The following LSAMP variants were observed in gnomAD, a reference collection of about 807,000 sequenced individuals.
LSAMP encodes the protein limbic system associated membrane protein.
Under a neutral mutation model 38.6 loss-of-function variants are expected in LSAMP, and 7 were observed. The ratio of observed to expected loss-of-function variants is 0.18; its 90% confidence interval spans 0.10 to 0.34. LSAMP has a LOEUF of 0.34. Among genes scored for constraint, LSAMP ranks in the 10% least tolerant of loss-of-function variants. The probability of loss-of-function intolerance (pLI) is 1.00; values close to 1 mark genes in which losing one functional copy is unlikely to be tolerated. For synonymous variants in LSAMP, 154 were observed against 166.8 expected, an observed-to-expected ratio of 0.92 and a Z score of 0.59; for missense variants, 313 against 420.0, an observed-to-expected ratio of 0.75 and a Z score of 2.23.
intron 1 of LSAMP, among the ~76,000 whole-genome samples, chr3:116,334,456 C>T (rs2047893279): frequency 6.6e-6 from 1 of 151,962 alleles, no homozygotes; most frequent in African/African-American, 2.4e-5. Flanking sequence ...AACAAAAGAC[C>T]AACATCCCTT....
intron 1 of LSAMP, among the ~76,000 whole-genome samples, chr3:116,103,482 AAAAAAAG>A (rs1559743506): frequency 1.3e-5 from 2 of 150,258 alleles, no homozygotes; most frequent in African/African-American, 4.9e-5. Context: ...AAAAAAAAAA[AAAAAAAG>A]AAAGACAGTG....
intron 1 of LSAMP, among the ~76,000 whole-genome samples, chr3:116,307,957 T>C (rs1290070219): frequency 2.6e-5 from 4 of 151,942 alleles, no homozygotes; most frequent in Middle Eastern, 3.2e-3. Flanking sequence ...ATTTATAAAA[T>C]GCACATGATA....
At chr3:116,317,703 G>A (rs2047651583) in intron 1 of LSAMP, among the ~76,000 whole-genome samples, 2 of 152,004 alleles carry the variant, frequency 1.3e-5, no homozygotes, top group African/African-American at 4.8e-5. Flanking sequence ...GGAAACTGGG[G>A]GCAGTAGTTA....
At chr3:115,985,281 G>A (rs887318272) in intron 3 of LSAMP, among the ~76,000 whole-genome samples, 1 of 152,098 alleles carries the variant, frequency 6.6e-6, no homozygotes, top group Non-Finnish European at 1.5e-5. Context: ...TGGAATATTG[G>A]CTTAGTGGTT....
chr3:116,281,335 G>T lies in LSAMP; in HGVS notation c.155+163542C>A, dbSNP rs114930804. On this transcript the variant is annotated intron_variant, in intron 1 of 6. Coordinates refer to ENST00000490035, the MANE Select transcript of LSAMP (RefSeq NM_002338.5). ...GCTGACATCTTGCTGTTTTCAAAGAGAAGTGCTTATTAGAAAAATTGGTGA... is the reference window on the plus strand; with the variant it reads ...GCTGACATCTTGCTGTTTTCAAAGATAAGTGCTTATTAGAAAAATTGGTGA... Among the ~76,000 whole-genome samples, 408 of 152,304 alleles carry T rather than the reference G, an allele frequency of 2.7e-3. 3 individuals are homozygous for T. Among genetic ancestry groups the T allele is most frequent in the African/African-American group, 9.5e-3 (395 of 41,556 alleles).
At chr3:116,318,509 C>T (rs2047664030) in intron 1 of LSAMP, among the ~76,000 whole-genome samples, 2 of 152,248 alleles carry the variant, frequency 1.3e-5, no homozygotes, top group East Asian at 3.9e-4. Context: ...CAACTGTCAG[C>T]CTGACCTTTA....
chr3:116,371,051 T>C (rs1165765339), intron 1 of LSAMP, among the ~76,000 whole-genome samples: 1 of 152,104 alleles, frequency 6.6e-6, no homozygotes, highest in Non-Finnish European at 1.5e-5. Flanking sequence ...AGTAAAGAGA[T>C]TGGATCATAA....
intron 1 of LSAMP, among the ~76,000 whole-genome samples, chr3:116,097,447 T>C (rs1342281239): frequency 1.3e-5 from 2 of 152,218 alleles, no homozygotes; most frequent in South Asian, 2.1e-4. Flanking sequence ...AATGTTATCA[T>C]TGGAGCAGAA....
chr3:116,076,444 A>G (rs902309384), intron 2 of LSAMP, among the ~76,000 whole-genome samples: 1 of 151,970 alleles, frequency 6.6e-6, no homozygotes, highest in African/African-American at 2.4e-5. Context: ...TTTTTAGTAG[A>G]GATGGGGTTT....
intron 1 of LSAMP, chr3:116,368,407 T>G (rs569751282): frequency 1.3e-4 from 19 of 151,466 alleles, no homozygotes; most frequent in Admixed American, 1.2e-3. Context: ...AGATACATTG[T>G]TTTTTTTTAA....
At chr3:116,412,999 A>G (rs1312764668) in intron 1 of LSAMP, among the ~76,000 whole-genome samples, 1 of 152,056 alleles carries the variant, frequency 6.6e-6, no homozygotes, top group Non-Finnish European at 1.5e-5. Context: ...GATTCTCAAA[A>G]TGTGGTTTCT....
intron 1 of LSAMP, among the ~76,000 whole-genome samples, chr3:116,124,660 A>C (rs781215766): frequency 6.6e-6 from 1 of 152,178 alleles, no homozygotes; most frequent in Non-Finnish European, 1.5e-5. Context: ...AAATGCAAAA[A>C]TATGGAGAAG....
intron 2 of LSAMP, among the ~76,000 whole-genome samples, chr3:116,034,055 G>A (rs895082570): frequency 6.6e-6 from 1 of 152,054 alleles, no homozygotes; most frequent in African/African-American, 2.4e-5. Flanking sequence ...TGAGGAAAGT[G>A]AGCGGCTCCC....
rs192396932 is a variant in LSAMP, at chr3:116,219,897, G to A, written c.156-133341C>T. Among the ~76,000 whole-genome samples, 71 of 152,152 alleles carry A rather than the reference G, an allele frequency of 4.7e-4. No individual in the cohort carries two copies. The East Asian group carries it at 8.1e-3, about 17-fold the overall frequency. ...ATGCAAATCAAAATCACAATGAGCC[G>A]GGGACAGTTGCTCACATCTATAATC... On this transcript the variant is annotated intron_variant, in intron 1 of 6. Transcript: ENST00000490035.
At chr3:115,972,401 G>A (rs897334553) in intron 3 of LSAMP, among the ~76,000 whole-genome samples, 14 of 151,834 alleles carry the variant, frequency 9.2e-5, no homozygotes, top group African/African-American at 1.9e-4. Flanking sequence ...AATAAACTAC[G>A]ACTAAGAAAA....
At chr3:115,963,381 C>T (rs1201282686) in intron 3 of LSAMP, among the ~76,000 whole-genome samples, 4 of 152,286 alleles carry the variant, frequency 2.6e-5, no homozygotes, top group African/African-American at 9.6e-5. Context: ...TCAGAGGTGA[C>T]AAATTGTTCT....
At chr3:116,417,899 G>A (rs371431622) in intron 1 of LSAMP, among the ~76,000 whole-genome samples, 31 of 152,284 alleles carry the variant, frequency 2.0e-4, no homozygotes, top group African/African-American at 7.0e-4. Context: ...TGCTGCAGGA[G>A]TCACAGAAAA....
intron 2 of LSAMP, among the ~76,000 whole-genome samples, chr3:116,031,337 G>A (rs1180141014): frequency 6.6e-6 from 1 of 151,876 alleles, no homozygotes; most frequent in African/African-American, 2.4e-5. Context: ...GATCAACCAT[G>A]TTTTCTTGTT....
intron 1 of LSAMP, among the ~76,000 whole-genome samples, chr3:116,269,826 G>A (rs1438557258): frequency 2.6e-5 from 4 of 152,050 alleles, no homozygotes; most frequent in Non-Finnish European, 4.4e-5. Flanking sequence ...TGTACACACA[G>A]GTTCAATTCT....
Sources: allele counts gnomAD v4.1 joint callset (sites outside exome capture counted in the v4.1 genomes callset), GRCh38; gene constraint gnomAD v4.1.1; transcripts MANE v1.5; gene names NCBI Gene and HGNC (gene_info 2026-07-23, HGNC 2026-07-21).